ZNF610: variants seen among roughly 807,000 people sequenced by gnomAD.
ZNF610 encodes the protein zink finger protein.
ZNF610 carries 14 observed loss-of-function variants against 14.1 expected under a neutral mutation model. The observed-to-expected ratio is 0.99, with a 90% CI of 0.65 to 1.55. The LOEUF is 1.55. Among genes scored for constraint, ZNF610 ranks in the 40% most tolerant of loss-of-function variants. The pLI is 0.00. For missense variants in ZNF610, 530 were observed against 558.0 expected, an observed-to-expected ratio of 0.95 and a Z score of 0.51; for synonymous variants, 185 against 187.6, an observed-to-expected ratio of 0.99 and a Z score of 0.11.
upstream of ZNF610, among the ~76,000 whole-genome samples, chr19:52,331,893 C>T (rs139591427): frequency 1.1e-3 from 165 of 152,306 alleles, no homozygotes; most frequent in Non-Finnish European, 2.2e-3. Context: ...CCCCCTAGGT[C>T]CATGTGGGTT....
At chr19:52,362,625 C>T (rs1985836878) in intron 5 of ZNF610, among the ~76,000 whole-genome samples, 1 of 152,114 alleles carries the variant, frequency 6.6e-6, no homozygotes, top group South Asian at 2.1e-4. Context: ...GTTTTCCTTT[C>T]CTTTTCTATC....
chr19:52,362,463 G>C (rs1311134359), intron 5 of ZNF610, among the ~76,000 whole-genome samples: 1 of 152,206 alleles, frequency 6.6e-6, no homozygotes, highest in East Asian at 1.9e-4. Context: ...ATTGTTGCCT[G>C]TGCTGGTCTG....
At chr19:52,350,337 C>T (rs1985189712) in intron 3 of ZNF610, among the ~76,000 whole-genome samples, 1 of 152,206 alleles carries the variant, frequency 6.6e-6, no homozygotes, top group South Asian at 2.1e-4. Flanking sequence ...TGACCCACTG[C>T]TGTCAGCTCT....
intron 1 of ZNF610, among the ~76,000 whole-genome samples, chr19:52,337,595 GAGAA>G (rs1400160482): frequency 2.0e-5 from 3 of 151,916 alleles, no homozygotes; most frequent in Admixed American, 6.6e-5. Flanking sequence ...AAAAAAGCAG[GAGAA>G]AGAAGGTAAG....
intron 1 of ZNF610, among the ~76,000 whole-genome samples, chr19:52,346,883 C>A (rs1600232281): frequency 1.3e-5 from 2 of 152,060 alleles, no homozygotes; most frequent in African/African-American, 4.8e-5. Flanking sequence ...GCCTGTGCCA[C>A]CACTCCGAGC....
chr19:52,334,469 C>T (rs321923), upstream of ZNF610, among the ~76,000 whole-genome samples: 96,067 of 151,608 alleles, frequency 0.63, 30,728 homozygotes, highest in African/African-American at 0.7. Flanking sequence ...GCTGAGATTG[C>T]GCCACTGCAC....
At chr19:52,360,924 A>C (rs1365563141) in intron 5 of ZNF610, among the ~76,000 whole-genome samples, 1 of 152,112 alleles carries the variant, frequency 6.6e-6, no homozygotes, top group African/African-American at 2.4e-5. Context: ...TGAATGAGAG[A>C]GGGAGTGTTT....
At chr19:52,344,322 C>T (rs1204123861) in intron 1 of ZNF610, among the ~76,000 whole-genome samples, 2 of 151,998 alleles carry the variant, frequency 1.3e-5, no homozygotes, top group African/African-American at 4.8e-5. Context: ...TTCTGTGACC[C>T]CCCCATAGCC....
intron 3 of ZNF610, among the ~76,000 whole-genome samples, chr19:52,351,583 C>T (rs1173149567): frequency 6.6e-6 from 1 of 151,870 alleles, no homozygotes; most frequent in Non-Finnish European, 1.5e-5. Context: ...TAGGATGCAT[C>T]CTCTCTGGAC....
chr19:52,348,484 G>A (rs1568648294), intron 2 of ZNF610, among the ~76,000 whole-genome samples: 1 of 152,108 alleles, frequency 6.6e-6, no homozygotes, highest in Non-Finnish European at 1.5e-5. Flanking sequence ...TGAGGGCCGA[G>A]TGTAGACTCT....
chr19:52,333,489 T>TA (rs1254176175), upstream of ZNF610, among the ~76,000 whole-genome samples: 3 of 152,212 alleles, frequency 2.0e-5, no homozygotes, highest in African/African-American at 4.8e-5. Flanking sequence ...TTTCATGTGT[T>TA]ACGTCCCAGG....
At chr19:52,354,049 G>A (rs1483137866) in intron 4 of ZNF610, among the ~76,000 whole-genome samples, 1 of 152,156 alleles carries the variant, frequency 6.6e-6, no homozygotes, top group African/African-American at 2.4e-5. Context: ...TCTCCCCTGT[G>A]CTTACAAGTC....
chr19:52,339,315 T>C (rs1381588951), intron 1 of ZNF610, among the ~76,000 whole-genome samples: 1 of 151,942 alleles, frequency 6.6e-6, no homozygotes, highest in South Asian at 2.1e-4. Context: ...AGACCCTTTA[T>C]GGGTTCCAGG....
At chr19:52,336,116 G>C (rs1034860056), upstream of ZNF610, 1 of 158,670 alleles carries the variant, frequency 6.3e-6, no homozygotes, top group African/African-American at 2.4e-5. Flanking sequence ...AGTTTGCAGA[G>C]GGCTGAGCTG....
chr19:52,363,541 C>T, intron 5 of ZNF610, among the ~76,000 whole-genome samples: 1 of 152,094 alleles, frequency 6.6e-6, no homozygotes, highest in Non-Finnish European at 1.5e-5. Flanking sequence ...TACTTAGGGG[C>T]TGTGATATTT....
At chr19:52,337,242 G>A (rs547129915) in intron 1 of ZNF610, among the ~76,000 whole-genome samples, 24 of 151,358 alleles carry the variant, frequency 1.6e-4, no homozygotes, top group Middle Eastern at 3.4e-3. Context: ...TGCTGGGACA[G>A]CAAGAGGGGG....
chr19:52,345,368 T>C lies in ZNF610; in HGVS notation c.-257-2339T>C, dbSNP rs1312661535. 4 of 152,326 alleles carry C rather than the reference T, an allele frequency of 2.6e-5. No homozygotes were observed. The South Asian group carries it at 6.2e-4, about 24-fold the overall frequency. 9.4% of individuals were successfully genotyped at this position (152,326 alleles called of 1,614,324 possible). ...CTACATCAGAGTAGTCATGACGTCA[T>C]AGTGCAGTGCATTCCTTGTGTCTGT... is the stretch of plus-strand genomic sequence containing the variant. On this transcript the variant is annotated intron_variant, in intron 1 of 5. Coordinates refer to ENST00000403906, the MANE Select transcript of ZNF610 (RefSeq NM_001161425.2).
intron 5 of ZNF610, among the ~76,000 whole-genome samples, chr19:52,362,713 T>C (rs577640012): frequency 1.2e-4 from 18 of 152,368 alleles, no homozygotes; most frequent in Non-Finnish European, 2.4e-4. Flanking sequence ...TTTGGACATA[T>C]CTGTGGGTTT....
intron 2 of ZNF610, among the ~76,000 whole-genome samples, chr19:52,348,773 A>G (rs751477729): frequency 2.6e-5 from 4 of 152,076 alleles, no homozygotes; most frequent in Non-Finnish European, 5.9e-5. Context: ...TCTGGCGCTG[A>G]GCACCAACGC....
Sources: allele counts gnomAD v4.1 joint callset (sites outside exome capture counted in the v4.1 genomes callset), GRCh38; gene constraint gnomAD v4.1.1; transcripts MANE v1.5; gene names NCBI Gene and HGNC (gene_info 2026-07-23, HGNC 2026-07-21).